The following ADAM23 variants were observed in gnomAD, a reference collection of about 807,000 sequenced individuals.
ADAM23 encodes the protein ADAM metallopeptidase domain 23.
A neutral mutation model predicts 120.1 loss-of-function variants in ADAM23; 33 were observed. That is an observed-to-expected ratio of 0.27 (90% CI 0.21 to 0.37). The LOEUF is 0.37. Ranked by LOEUF, ADAM23 falls within the 10% of genes least tolerant of loss-of-function variation. ADAM23 has a pLI of 1.00. For missense variants in ADAM23, 862 were observed against 1,058.2 expected, an observed-to-expected ratio of 0.81 and a Z score of 2.57; for synonymous variants, 367 against 375.2, an observed-to-expected ratio of 0.98 and a Z score of 0.25.
At chr2:206,566,731 G>C (rs1478420166) in intron 14 of ADAM23, among the ~76,000 whole-genome samples, 2 of 151,872 alleles carry the variant, frequency 1.3e-5, no homozygotes, top group African/African-American at 4.8e-5. Flanking sequence ...AGGTTTCCTT[G>C]TTTACCTGAA....
intron 3 of ADAM23, among the ~76,000 whole-genome samples, chr2:206,492,829 A>G (rs1289537205): frequency 6.6e-6 from 1 of 152,182 alleles, no homozygotes; most frequent in African/African-American, 2.4e-5. Flanking sequence ...GGAGGGACCT[A>G]TACATTCAAA....
chr2:206,470,797 C>G (rs527657818), intron 2 of ADAM23, among the ~76,000 whole-genome samples: 101 of 152,230 alleles, frequency 6.6e-4, no homozygotes, highest in Non-Finnish European at 1.2e-3. Context: ...CAGAGCCAGA[C>G]ATGGCTGAGG....
At chr2:206,498,249 T>C (rs1407783653) in intron 3 of ADAM23, among the ~76,000 whole-genome samples, 1 of 152,140 alleles carries the variant, frequency 6.6e-6, no homozygotes, top group East Asian at 1.9e-4. Context: ...GACTTCAAAC[T>C]ATACTACAAG....
At chr2:206,501,768 G>T (rs1696392171) in intron 3 of ADAM23, among the ~76,000 whole-genome samples, 1 of 152,016 alleles carries the variant, frequency 6.6e-6, no homozygotes, top group South Asian at 2.1e-4. Context: ...GCCAGATTTT[G>T]CTGTCTCAAT....
intron 18 of ADAM23, among the ~76,000 whole-genome samples, chr2:206,577,532 G>T (rs1198279299): frequency 2.1e-5 from 3 of 139,784 alleles, no homozygotes; most frequent in Non-Finnish European, 4.6e-5. Flanking sequence ...TTGTTCTTGC[G>T]ATAGTTTACT....
intron 2 of ADAM23, among the ~76,000 whole-genome samples, chr2:206,470,533 C>T (rs565286516): frequency 1.3e-5 from 2 of 152,280 alleles, no homozygotes; most frequent in Admixed American, 6.5e-5. Context: ...TTTTCTACAT[C>T]TAGCTTTGGG....
chr2:206,567,640 G>A (rs1407915243), intron 15 of ADAM23, among the ~76,000 whole-genome samples: 1 of 152,148 alleles, frequency 6.6e-6, no homozygotes, highest in East Asian at 1.9e-4. Context: ...CTGCTGCTAA[G>A]AGATGGTGGG....
At chr2:206,452,766 GC>G (rs1695222251) in intron 2 of ADAM23, among the ~76,000 whole-genome samples, 1 of 152,116 alleles carries the variant, frequency 6.6e-6, no homozygotes, top group African/African-American at 2.4e-5. Context: ...ATCTTTCTCA[GC>G]CATGCCCCTC....
intron 2 of ADAM23, among the ~76,000 whole-genome samples, chr2:206,452,168 T>C (rs1695208030): frequency 6.6e-6 from 1 of 152,230 alleles, no homozygotes; most frequent in East Asian, 1.9e-4. Flanking sequence ...TTTACTGCAG[T>C]GCCCTCATTC....
intron 18 of ADAM23, among the ~76,000 whole-genome samples, chr2:206,577,517 G>C (rs1269702026): frequency 7.1e-6 from 1 of 140,832 alleles, no homozygotes; most frequent in Non-Finnish European, 1.5e-5. Context: ...GCAGTGTTTG[G>C]TTTTTTGTTC....
At chr2:206,603,999 C>T (rs933642478) in intron 24 of ADAM23, among the ~76,000 whole-genome samples, 3 of 151,360 alleles carry the variant, frequency 2.0e-5, no homozygotes, top group Non-Finnish European at 2.9e-5. Flanking sequence ...GGCACGGTGG[C>T]CTCATGCCTG....
intron 24 of ADAM23, among the ~76,000 whole-genome samples, chr2:206,604,062 C>T (rs925931210): frequency 5.3e-5 from 8 of 151,756 alleles, no homozygotes; most frequent in Admixed American, 2.6e-4. Flanking sequence ...GTCAGGAGTT[C>T]GAGACCAGCC....
At chr2:206,472,503 C>G (rs1243873369) in intron 2 of ADAM23, among the ~76,000 whole-genome samples, 1 of 151,408 alleles carries the variant, frequency 6.6e-6, no homozygotes, top group Non-Finnish European at 1.5e-5. Context: ...GTCCCAGCTA[C>G]TTGGGAGGCT....
At chr2:206,595,794 AATAAT>A (rs1698512791) in intron 23 of ADAM23, among the ~76,000 whole-genome samples, 1 of 149,854 alleles carries the variant, frequency 6.7e-6, no homozygotes, top group South Asian at 2.1e-4. Flanking sequence ...ATTTAAGAAT[AATAAT>A]AAATAATAAG....
intron 2 of ADAM23, among the ~76,000 whole-genome samples, chr2:206,452,712 A>T (rs1695220482): frequency 1.3e-5 from 2 of 152,312 alleles, no homozygotes; most frequent in Middle Eastern, 3.4e-3. Context: ...GCCCTGTGTG[A>T]AGGTAAATCA....
At position 206,532,316 on chromosome 2, in the gene ADAM23, A is replaced by C. The variant is rs1443461979; in HGVS notation, c.573+1368A>C. 2.6e-5 allele frequency among the ~76,000 whole-genome samples: 4 copies of C among 151,606 alleles called. No homozygotes were observed. In the East Asian group the frequency reaches 7.7e-4, roughly 29 times the overall value. ...CCTGATCCAGACTTCTCACTAAGGC[A>C]CTTAGTTACTTTTTTTTTTTTTTTA... On this transcript the variant is annotated intron_variant, in intron 4 of 25. Transcript: ENST00000264377.
chr2:206,594,966 G>A, intron 23 of ADAM23, 61 bp downstream of exon 23: 1 of 1,581,716 alleles, frequency 6.3e-7, no homozygotes, highest in Non-Finnish European at 8.6e-7. Flanking sequence ...ACAGTGACTG[G>A]ACTTTAATTT....
intron 13 of ADAM23, among the ~76,000 whole-genome samples, chr2:206,564,568 C>G (rs948372584): frequency 1.3e-5 from 2 of 152,170 alleles, no homozygotes; most frequent in African/African-American, 2.4e-5. Context: ...AACCCCACAA[C>G]CACTCTGGGA....
At chr2:206,597,211 ACT>A (rs1306040417) in intron 24 of ADAM23, among the ~76,000 whole-genome samples, 1 of 132,852 alleles carries the variant, frequency 7.5e-6, no homozygotes, top group Non-Finnish European at 1.6e-5. Flanking sequence ...ACAGAGTCCG[ACT>A]CTGTCGACCA....
Sources: gnomAD v4.1 joint callset for allele counts (sites outside exome capture counted in the v4.1 genomes callset) on GRCh38, gnomAD v4.1.1 for gene constraint, MANE v1.5 for transcripts, NCBI Gene and HGNC (gene_info 2026-07-23, HGNC 2026-07-21) for gene names.